RAB11FIP4: variants seen among roughly 807,000 people sequenced by gnomAD.
The protein encoded by RAB11FIP4 is RAB11 family interacting protein 4, also known as rab11 family-interacting protein 4.
A neutral mutation model predicts 74.3 loss-of-function variants in RAB11FIP4; 23 were observed. That is an observed-to-expected ratio of 0.31 (90% CI 0.22 to 0.44). The LOEUF is 0.44. RAB11FIP4 is among the 20% of genes least tolerant of loss of function. The probability of loss-of-function intolerance (pLI) is 1.00; values close to 1 mark genes in which losing one functional copy is unlikely to be tolerated. For missense variants in RAB11FIP4, 630 were observed against 863.9 expected (o/e 0.73, Z 3.39); for synonymous variants, 360 against 359.9 (o/e 1.00, Z 0.00).
chr17:31,418,043 A>G (rs1468744259), intron 1 of RAB11FIP4, among the ~76,000 whole-genome samples: 1 of 152,120 alleles, frequency 6.6e-6, no homozygotes, highest in Non-Finnish European at 1.5e-5. Context: ...GTGAGCTATG[A>G]TCATGCCACT....
chr17:31,448,049 C>T (rs966608335), intron 3 of RAB11FIP4, among the ~76,000 whole-genome samples: 9 of 150,918 alleles, frequency 6.0e-5, no homozygotes, highest in African/African-American at 2.2e-4. Context: ...CGGGCTGAAG[C>T]GATCCACCTG....
At chr17:31,462,213 C>T (rs549535717) in intron 3 of RAB11FIP4, among the ~76,000 whole-genome samples, 1 of 151,898 alleles carries the variant, frequency 6.6e-6, no homozygotes, top group Non-Finnish European at 1.5e-5. Flanking sequence ...TTGCAGTGAG[C>T]CGAGATCGTG....
At chr17:31,511,947 T>TG (rs2142794539) in intron 3 of RAB11FIP4, among the ~76,000 whole-genome samples, 1 of 152,256 alleles carries the variant, frequency 6.6e-6, no homozygotes, top group East Asian at 1.9e-4. Context: ...CACTCCCTGC[T>TG]GGGGACAGGG....
intron 3 of RAB11FIP4, among the ~76,000 whole-genome samples, chr17:31,453,810 A>AAAG (rs2071550258): frequency 1.3e-5 from 2 of 150,524 alleles, no homozygotes; most frequent in African/African-American, 5.0e-5. Context: ...AAAAAAAAAA[A>AAAG]AAAGAAAGAA....
chr17:31,461,145 A>ACCTGTCTGATAAAATACCTCACTC (rs2071630670), intron 3 of RAB11FIP4, among the ~76,000 whole-genome samples: 1 of 141,266 alleles, frequency 7.1e-6, no homozygotes, highest in African/African-American at 2.7e-5. Flanking sequence ...TAGCTTCCTC[A>ACCTGTCTGATAAAATACCTCACTC]CCACCCTTAT....
chr17:31,400,384 C>A (rs1426161368), intron 1 of RAB11FIP4, among the ~76,000 whole-genome samples: 1 of 152,334 alleles, frequency 6.6e-6, no homozygotes, highest in Non-Finnish European at 1.5e-5. Flanking sequence ...GCACAGTGAG[C>A]CCGAAGACAA....
At chr17:31,432,851 C>T (rs763096031) in intron 2 of RAB11FIP4, among the ~76,000 whole-genome samples, 4 of 152,174 alleles carry the variant, frequency 2.6e-5, no homozygotes, top group South Asian at 2.1e-4. Context: ...GGGCCAGGCA[C>T]GGTGGCTCAC....
At chr17:31,444,874 G>C (rs760980823) in intron 3 of RAB11FIP4, among the ~76,000 whole-genome samples, 39 of 152,060 alleles carry the variant, frequency 2.6e-4, no homozygotes, top group Non-Finnish European at 2.9e-4. Flanking sequence ...TTCTCCTTTG[G>C]ATGAGTTATC....
At chr17:31,434,217 A>T in intron 3 of RAB11FIP4, 95 bp downstream of exon 3, 2 of 1,010,502 alleles carry the variant, frequency 2.0e-6, no homozygotes, top group Non-Finnish European at 3.0e-6. Flanking sequence ...AGGACCCAGA[A>T]CCTCCCTCTG....
chr17:31,528,700 T>G lies in RAB11FIP4; in HGVS notation c.1575T>G (p.Ser525Arg). ...LDCERPGRGR[S>R]ASSGLGEFNA... ...GCGAGCGGCCAGGCAGGGGCCGCAG[T>G]GCCTCCTCTGGCCTAGGCGAGTTCA... Residue 525 changes from serine to arginine, a missense_variant, in exon 13 of 15, where the codon AGT (serine) becomes AGG (arginine). Coordinates refer to ENST00000621161, the MANE Select transcript of RAB11FIP4 (RefSeq NM_032932.6). 3.7e-6 allele frequency: 6 copies of G among 1,612,424 alleles called. No homozygotes were observed. Among genetic ancestry groups the G allele is most frequent in the Non-Finnish European group, 5.1e-6 (6 of 1,179,632 alleles).
chr17:31,402,232 C>CCATCCATCCATCCAT (rs57785883), intron 1 of RAB11FIP4, among the ~76,000 whole-genome samples: 23 of 149,974 alleles, frequency 1.5e-4, no homozygotes, highest in African/African-American at 4.7e-4. Flanking sequence ...CATCCATCCA[C>CCATCCATCCATCCAT]CCACCATCTA....
At chr17:31,392,060 C>G in intron 1 of RAB11FIP4, 49 bp downstream of exon 1, 2 of 1,172,988 alleles carry the variant, frequency 1.7e-6, no homozygotes, top group East Asian at 3.7e-5. Flanking sequence ...AGCCCAGCCC[C>G]GCCGCCCCTC....
chr17:31,495,867 G>A (rs1380909468), intron 3 of RAB11FIP4, among the ~76,000 whole-genome samples: 1 of 152,240 alleles, frequency 6.6e-6, no homozygotes, highest in East Asian at 1.9e-4. Context: ...CACACACACA[G>A]TCTGCGGAAC....
At chr17:31,480,765 C>A (rs913584785) in intron 3 of RAB11FIP4, among the ~76,000 whole-genome samples, 3 of 126,070 alleles carry the variant, frequency 2.4e-5, no homozygotes, top group Non-Finnish European at 3.1e-5. Context: ...TCCAGCCTGG[C>A]GACAGAGCCA....
chr17:31,489,942 C>A (rs981895043), intron 3 of RAB11FIP4, among the ~76,000 whole-genome samples: 1 of 152,172 alleles, frequency 6.6e-6, no homozygotes, highest in Non-Finnish European at 1.5e-5. Flanking sequence ...CCAGGTGAGC[C>A]AGCTGGAAGG....
At chr17:31,449,175 A>C (rs748494178) in intron 3 of RAB11FIP4, among the ~76,000 whole-genome samples, 6 of 152,000 alleles carry the variant, frequency 3.9e-5, no homozygotes, top group Non-Finnish European at 7.4e-5. Flanking sequence ...TGGGATGGTG[A>C]GTGGCATGAC....
intron 10 of RAB11FIP4, chr17:31,526,294 G>C (rs951720511): frequency 2.6e-5 from 4 of 152,236 alleles, no homozygotes; most frequent in African/African-American, 9.7e-5. Flanking sequence ...CTGGGCCACA[G>C]GACAAAGTGC....
intron 1 of RAB11FIP4, among the ~76,000 whole-genome samples, chr17:31,428,762 T>A (rs2071277808): frequency 6.6e-6 from 1 of 152,052 alleles, no homozygotes; most frequent in Non-Finnish European, 1.5e-5. Flanking sequence ...CCACTAAGTT[T>A]TAGAAGCAGT....
At chr17:31,526,643 GA>G (rs2072771950) in intron 10 of RAB11FIP4, 1 of 152,326 alleles carries the variant, frequency 6.6e-6, no homozygotes, top group Non-Finnish European at 1.5e-5. Flanking sequence ...CCTATTCTCA[GA>G]CCATTTAAAA....
Sources: gnomAD v4.1 joint callset for allele counts (sites outside exome capture counted in the v4.1 genomes callset) on GRCh38, gnomAD v4.1.1 for gene constraint, MANE v1.5 for transcripts, NCBI Gene and HGNC (gene_info 2026-07-23, HGNC 2026-07-21) for gene names.